LRP1B: variants seen among roughly 807,000 people sequenced by gnomAD.
The protein encoded by LRP1B is low-density lipoprotein receptor-related protein 1B.
Under a neutral mutation model 556.6 loss-of-function variants are expected in LRP1B, and 217 were observed. That is an observed-to-expected ratio of 0.39 (90% CI 0.35 to 0.44). The LOEUF is 0.44. Among genes scored for constraint, LRP1B ranks in the 20% least tolerant of loss-of-function variants. The pLI, the probability that LRP1B is intolerant of heterozygous loss-of-function variation, is 1.00. For synonymous variants in LRP1B, 2,047 were observed against 1,865.8 expected (o/e 1.10, Z -2.50); for missense variants, 5,053 against 5,620.8 (o/e 0.90, Z 3.23).
At chr2:141,634,089 A>C (rs1443083858) in intron 2 of LRP1B, among the ~76,000 whole-genome samples, 1 of 151,928 alleles carries the variant, frequency 6.6e-6, no homozygotes, top group Non-Finnish European at 1.5e-5. Flanking sequence ...TTTAGAAAAC[A>C]AAAAAGCCCA....
chr2:141,361,586 TGGAAATCATACTTTTTTC>T (rs1688828285), intron 3 of LRP1B, among the ~76,000 whole-genome samples: 1 of 152,224 alleles, frequency 6.6e-6, no homozygotes, highest in African/African-American at 2.4e-5. Flanking sequence ...GTCTCAGTAT[TGGAAATCATACTTTTTTC>T]TTTAGCATTG....
At chr2:140,555,359 G>A (rs984647295) in intron 43 of LRP1B, among the ~76,000 whole-genome samples, 3 of 151,890 alleles carry the variant, frequency 2.0e-5, no homozygotes, top group Admixed American at 6.6e-5. Context: ...AATTTAATTT[G>A]ACATTCCATA....
chr2:141,638,837 C>G (rs1425244082), intron 2 of LRP1B, among the ~76,000 whole-genome samples: 1 of 89,724 alleles, frequency 1.1e-5, no homozygotes, highest in African/African-American at 3.8e-5. Flanking sequence ...CATCCTGGAT[C>G]AAAATTGAGA....
chr2:140,789,868 G>C (rs955482052), intron 32 of LRP1B, among the ~76,000 whole-genome samples: 2 of 151,528 alleles, frequency 1.3e-5, no homozygotes, highest in Admixed American at 1.3e-4. Context: ...CTGACCTCGC[G>C]ATCCGCCCGC....
chr2:140,549,439 T>C (rs1237860643), intron 43 of LRP1B, among the ~76,000 whole-genome samples: 1 of 152,136 alleles, frequency 6.6e-6, no homozygotes, highest in South Asian at 2.1e-4. Context: ...TAAAAGTGAG[T>C]TGATGGGACT....
intron 4 of LRP1B, among the ~76,000 whole-genome samples, chr2:141,247,671 C>T (rs1245889628): frequency 1.3e-5 from 2 of 152,050 alleles, no homozygotes; most frequent in African/African-American, 4.8e-5. Flanking sequence ...TTGAATATTT[C>T]CAGTGTTTAT....
At chr2:141,608,326 G>A (rs72855499) in intron 2 of LRP1B, among the ~76,000 whole-genome samples, 12,606 of 152,238 alleles carry the variant, frequency 0.083, 643 homozygotes, top group South Asian at 0.2. Context: ...AAAAACTAGA[G>A]CATATATGTC....
At chr2:140,969,543 T>C (rs1414619508) in intron 18 of LRP1B, among the ~76,000 whole-genome samples, 7 of 152,210 alleles carry the variant, frequency 4.6e-5, no homozygotes. Context: ...AATATTGTTA[T>C]GTGTGAATTT....
intron 43 of LRP1B, among the ~76,000 whole-genome samples, chr2:140,555,109 G>A (rs1680684094): frequency 6.6e-6 from 1 of 151,198 alleles, no homozygotes; most frequent in Non-Finnish European, 1.5e-5. Context: ...TAATATTTTA[G>A]TAGAAAAAGT....
At chr2:141,185,771 A>C (rs1349653252) in intron 7 of LRP1B, among the ~76,000 whole-genome samples, 1 of 151,744 alleles carries the variant, frequency 6.6e-6, no homozygotes, top group Non-Finnish European at 1.5e-5. Flanking sequence ...GAGGTTGAGA[A>C]AAATGAAGTT....
chr2:140,336,387 C>CTTT (rs35091865), intron 77 of LRP1B, among the ~76,000 whole-genome samples: 13,728 of 147,356 alleles, frequency 0.093, 680 homozygotes, highest in Middle Eastern at 0.13. Context: ...TAGTTTAGTA[C>CTTT]TTTTTTTTTT....
At chr2:141,545,491 A>G (rs1213149619) in intron 2 of LRP1B, among the ~76,000 whole-genome samples, 2 of 152,150 alleles carry the variant, frequency 1.3e-5, no homozygotes, top group African/African-American at 4.8e-5. Context: ...AAGAACCTTG[A>G]GATGAAAAGA....
intron 1 of LRP1B, among the ~76,000 whole-genome samples, chr2:142,041,164 A>G (rs1704052234): frequency 6.6e-6 from 1 of 151,202 alleles, no homozygotes; most frequent in South Asian, 2.1e-4. Flanking sequence ...TCATAGTTGA[A>G]TTCTCATACT....
intron 27 of LRP1B, among the ~76,000 whole-genome samples, chr2:140,858,532 G>GAGAGA (rs1343215851): frequency 7.0e-6 from 1 of 143,420 alleles, no homozygotes; most frequent in Non-Finnish European, 1.5e-5. Flanking sequence ...GAGAGAGAAA[G>GAGAGA]GAAAGAGAAA....
chr2:140,937,949 C>T (rs1015389549), intron 20 of LRP1B, among the ~76,000 whole-genome samples: 2 of 151,220 alleles, frequency 1.3e-5, no homozygotes, highest in African/African-American at 4.9e-5. Flanking sequence ...TCAGAACTAC[C>T]TTGATTTTCC....
At chr2:140,654,470 TC>T (rs1413151321) in intron 41 of LRP1B, among the ~76,000 whole-genome samples, 1 of 152,164 alleles carries the variant, frequency 6.6e-6, no homozygotes, top group Non-Finnish European at 1.5e-5. Flanking sequence ...CTGTCAGTAA[TC>T]AAAATTTGAA....
intron 1 of LRP1B, among the ~76,000 whole-genome samples, chr2:141,982,875 T>C (rs1189756171): frequency 6.6e-6 from 1 of 152,202 alleles, no homozygotes; most frequent in Non-Finnish European, 1.5e-5. Context: ...GGAGCATCCA[T>C]TTTCTTTTAT....
chr2:140,567,849 A>C (rs1681181582), intron 43 of LRP1B, among the ~76,000 whole-genome samples: 1 of 152,172 alleles, frequency 6.6e-6, no homozygotes, highest in South Asian at 2.1e-4. Context: ...TTATTGAGAC[A>C]CTCATAGTTA....
intron 2 of LRP1B, among the ~76,000 whole-genome samples, chr2:141,791,119 C>T (rs1040120612): frequency 4.6e-5 from 7 of 151,760 alleles, no homozygotes; most frequent in African/African-American, 1.7e-4. Flanking sequence ...TTTACTAAAG[C>T]AATTCTGAAG....
Sources: gnomAD v4.1 joint callset for allele counts (sites outside exome capture counted in the v4.1 genomes callset) on GRCh38, gnomAD v4.1.1 for gene constraint, MANE v1.5 for transcripts, NCBI Gene and HGNC (gene_info 2026-07-23, HGNC 2026-07-21) for gene names.